PCDHGA6: variants seen among roughly 807,000 people sequenced by gnomAD.
The protein encoded by PCDHGA6 is protocadherin gamma subfamily A, 6, also known as protocadherin gamma-A6.
Under a neutral mutation model 60.6 loss-of-function variants are expected in PCDHGA6, and 41 were observed. The observed-to-expected ratio is 0.68, with a 90% CI of 0.53 to 0.88. PCDHGA6 has a LOEUF of 0.88. PCDHGA6 is among the 40% of genes least tolerant of loss of function. PCDHGA6 has a pLI of 0.00. For synonymous variants in PCDHGA6, 594 were observed against 524.4 expected (o/e 1.13, Z -1.81); for missense variants, 1,312 against 1,203.0 (o/e 1.09, Z -1.34).
At chr5:141,388,735 C>T (rs758511912) in intron 1 of PCDHGA6, 9 of 1,613,974 alleles carry the variant, frequency 5.6e-6, no homozygotes, top group Non-Finnish European at 7.6e-6. Context: ...TTCAGTGAAG[C>T]TAGCCAGATC....
chr5:141,383,267 T>G (rs1428207205), intron 1 of PCDHGA6: 1 of 1,613,726 alleles, frequency 6.2e-7, no homozygotes, highest in East Asian at 2.2e-5. Context: ...GACGTGGAAA[T>G]AATAGATATT....
chr5:141,404,021 A>C lies in PCDHGA6; in HGVS notation c.2424+27514A>C, dbSNP rs192150782. 5 of 1,613,894 alleles carry C rather than the reference A, an allele frequency of 3.1e-6. No individual in the cohort carries two copies. The African/African-American group carries it at 4.0e-5, about 13-fold the overall frequency. ...CATTACATCTCTGTTTAGCCCAGTG[A>C]GAGAAGACGCACCTCAGGGAACAGT... On this transcript the variant is annotated intron_variant, in intron 1 of 3. Coordinates refer to ENST00000517434, the MANE Select transcript of PCDHGA6 (RefSeq NM_018919.3).
At chr5:141,378,725 T>C (rs999480102) in intron 1 of PCDHGA6, 1 of 152,206 alleles carries the variant, frequency 6.6e-6, no homozygotes, top group Admixed American at 6.5e-5. Flanking sequence ...ATAGGAACTC[T>C]TTATTGAAAT....
rs1422023332 is a variant in PCDHGA6 at position 141,374,796 on chromosome 5, A to G, written c.713A>G (p.Asn238Ser). 5 of 1,613,974 alleles carry G rather than the reference A, an allele frequency of 3.1e-6. No homozygotes were observed. Among genetic ancestry groups the G allele is most frequent in the Non-Finnish European group, 3.4e-6 (4 of 1,179,882 alleles). ...ILVTVLDVND[N>S]TPMFTQPVYR... is the part of the protein sequence containing the mutation. ...GTAACAGTTCTAGATGTGAATGACAACACTCCAATGTTTACTCAGCCTGTC... is the reference window on the plus strand; with the variant it reads ...GTAACAGTTCTAGATGTGAATGACAGCACTCCAATGTTTACTCAGCCTGTC... The change falls in exon 1 of 4, where the codon AAC becomes AGC. Residue 238 changes from asparagine to serine, a missense_variant. Transcript: ENST00000517434.
intron 1 of PCDHGA6, chr5:141,392,285 A>G (rs554377698): frequency 6.6e-6 from 1 of 152,312 alleles, no homozygotes; most frequent in East Asian, 1.9e-4. Flanking sequence ...TTAGAGCACA[A>G]TGGGAAATGA....
At chr5:141,433,285 C>G in intron 1 of PCDHGA6, 1 of 1,169,826 alleles carries the variant, frequency 8.5e-7, no homozygotes, top group Non-Finnish European at 1.2e-6. Flanking sequence ...CCTCAAACTC[C>G]TAGGCTCAAG....
chr5:141,462,007 G>C (rs2099028604), intron 1 of PCDHGA6, among the ~76,000 whole-genome samples: 1 of 152,188 alleles, frequency 6.6e-6, no homozygotes, highest in South Asian at 2.1e-4. Context: ...ATTTTTAATA[G>C]AGACGGGGTT....
In PCDHGA6 at chr5:141,512,022, C is replaced by T. The variant is rs2154594692; in HGVS notation, c.*849C>T. The T allele has an allele frequency of 6.5e-6, 1 of 152,990 alleles. No individual in the cohort carries two copies. The highest frequency in any genetic ancestry group is 1.9e-4 in the East Asian group (1 of 5,186). The allele number at this position is 152,990 out of a possible 1,614,324, so 9.5% of individuals were successfully genotyped here. A position where few individuals can be genotyped will look rare whatever the true frequency, so the allele number is the denominator to read the frequency against. The stretch of plus-strand genomic sequence containing the variant: ...AGCTTGACACATCAAGTTATCAAGG[C>T]CTTGGAGGAGGCTCTGTATGTCCTC... On this transcript the variant is annotated 3_prime_UTR_variant, in exon 4 of 4. Transcript: ENST00000517434.
chr5:141,485,866 C>T lies in PCDHGA6; in HGVS notation c.2425-8941C>T. The T allele has an allele frequency of 2.5e-6, 4 of 1,614,144 alleles. No individual in the cohort carries two copies. Among genetic ancestry groups the T allele is most frequent in the Non-Finnish European group, 3.4e-6 (4 of 1,180,014 alleles). On this transcript the variant is annotated intron_variant, in intron 1 of 3. Coordinates refer to ENST00000517434, the MANE Select transcript of PCDHGA6 (RefSeq NM_018919.3). The surrounding 1 kb of genome is among the most constrained non-coding windows in gnomAD (Gnocchi z 5.7). ...CTGGCACCGCAGAGCTCCGGGTATCCGTGCTGGACGTAAACGACAACGCCC... is the reference window on the plus strand; with the variant it reads ...CTGGCACCGCAGAGCTCCGGGTATCTGTGCTGGACGTAAACGACAACGCCC...
At position 141,418,812 on chromosome 5, in the gene PCDHGA6, A is replaced by T. The variant is rs761899929; in HGVS notation, c.2424+42305A>T. 4 of 1,613,914 alleles carry T rather than the reference A, an allele frequency of 2.5e-6. No individual in the cohort carries two copies. In the South Asian group the frequency reaches 4.4e-5, roughly 18 times the overall value. On this transcript the variant is annotated intron_variant, in intron 1 of 3. Transcript: ENST00000517434. ...GAAGAAGTAGAAAGATATACGATAA[A>T]CATAGAAGCAAAAGACCGAGGATCT... is the stretch of plus-strand genomic sequence containing the variant.
At chr5:141,420,018 G>A (rs2096458708) in intron 1 of PCDHGA6, 2 of 1,613,948 alleles carry the variant, frequency 1.2e-6, no homozygotes, top group African/African-American at 1.3e-5. Flanking sequence ...CAGTCTTTCA[G>A]CCCTACTGCA....
intron 3 of PCDHGA6, among the ~76,000 whole-genome samples, chr5:141,506,189 G>A (rs529165145): frequency 3.6e-4 from 55 of 152,262 alleles, no homozygotes; most frequent in African/African-American, 1.1e-3. Flanking sequence ...GGTGGCTCAC[G>A]CCTGTAATCC....
rs778198822 is a variant in PCDHGA6 at position 141,432,802 on chromosome 5, A to G, written c.2424+56295A>G. 29 of 1,613,964 alleles carry G rather than the reference A, an allele frequency of 1.8e-5. No individual in the cohort carries two copies. The African/African-American group carries it at 3.6e-4, about 20-fold the overall frequency. On this transcript the variant is annotated intron_variant, in intron 1 of 3. Coordinates refer to ENST00000517434, the MANE Select transcript of PCDHGA6 (RefSeq NM_018919.3). This position sits in a 1 kb window ranked among gnomAD's most constrained non-coding sequence, Gnocchi z 6.0. ...CGGACCTCGGCAGCCTCGAGTCTCC[A>G]GCTAACTCTGAAACCTCAGACCTCA...
At chr5:141,388,877 G>A in intron 1 of PCDHGA6, 1 of 1,613,936 alleles carries the variant, frequency 6.2e-7, no homozygotes, top group Non-Finnish European at 8.5e-7. Flanking sequence ...AATGCACAGT[G>A]GAGGTAGAAG....
Position 141,423,691 on chromosome 5 carries a change from T to C in PCDHGA6, c.2424+47184T>C. On this transcript the variant is annotated intron_variant, in intron 1 of 3. Coordinates refer to ENST00000517434, the MANE Select transcript of PCDHGA6 (RefSeq NM_018919.3). Reference sequence around the variant, plus strand: ...ATTTATTTCTCTGCCTCCTAATTGTTGGTGTCTTGGCACAAGTCTTTTAAG... The same window carrying C: ...ATTTATTTCTCTGCCTCCTAATTGTCGGTGTCTTGGCACAAGTCTTTTAAG... 5 of 1,506,830 alleles carry C rather than the reference T, an allele frequency of 3.3e-6. No individual in the cohort carries two copies. The South Asian group carries it at 6.9e-5, about 21-fold the overall frequency. 93.3% of individuals were successfully genotyped at this position (1,506,830 alleles called of 1,614,324 possible).
In PCDHGA6 at chr5:141,374,100, G is replaced by C. The variant is rs767728339; in HGVS notation, c.17G>C (p.Arg6Thr). The C allele has an allele frequency of 4.5e-6, 7 of 1,564,992 alleles. No homozygotes were observed. Among genetic ancestry groups the C allele is most frequent in the Non-Finnish European group, 6.1e-6 (7 of 1,153,928 alleles). Residue 6 changes from arginine (R) to threonine (T), a missense_variant, in exon 1 of 4, where the codon AGG becomes ACG. Transcript: ENST00000517434. MAPPQ[R>T]HPQRSEQVLL... ...AAGCCAGTAATGGCGCCTCCGCAGA[G>C]GCATCCGCAGCGCAGCGAGCAGGTC...
chr5:141,418,738 T>G lies in PCDHGA6; in HGVS notation c.2424+42231T>G, dbSNP rs781221446. 4.3e-6 allele frequency: 7 copies of G among 1,613,964 alleles called. No homozygotes were observed. In the South Asian group the frequency reaches 6.6e-5, roughly 15 times the overall value. On this transcript the variant is annotated intron_variant, in intron 1 of 3. Transcript: ENST00000517434. ...CTGACAAAGCTCAGCACGTGTTCTC[T>G]CTGGATTACACTACAGGAAACATTC...
chr5:141,395,511 T>G, intron 1 of PCDHGA6: 3 of 425,438 alleles, frequency 7.1e-6, no homozygotes, highest in Non-Finnish European at 1.3e-5. Context: ...AAGAAGTAGC[T>G]ACCCGTCCAT....
At chr5:141,389,828 A>C in intron 1 of PCDHGA6, 1 of 1,613,938 alleles carries the variant, frequency 6.2e-7, no homozygotes, top group Non-Finnish European at 8.5e-7. Flanking sequence ...GTGACGGTGG[A>C]CAGCCACCAC....
Sources: gnomAD v4.1 joint callset for allele counts (sites outside exome capture counted in the v4.1 genomes callset) on GRCh38, gnomAD v4.1.1 for gene constraint, Gnocchi (gnomAD v3.1) non-coding constraint, MANE v1.5 for transcripts, NCBI Gene and HGNC (gene_info 2026-07-23, HGNC 2026-07-21) for gene names.